SAMD12: variants seen among roughly 807,000 people sequenced by gnomAD.
SAMD12 encodes sterile alpha motif domain-containing protein 12.
SAMD12 carries 9 observed loss-of-function variants against 15.0 expected under a neutral mutation model. That is an observed-to-expected ratio of 0.60 (90% CI 0.36 to 1.05). The LOEUF (loss-of-function observed/expected upper bound fraction) is 1.05, where lower values mean the gene tolerates loss of function less well. Among genes scored for constraint, SAMD12 ranks in the 50% least tolerant of loss-of-function variants. SAMD12 has a pLI of 0.01. For synonymous variants in SAMD12, 86 were observed against 90.1 expected (o/e 0.96, Z 0.25); for missense variants, 230 against 234.2 (o/e 0.98, Z 0.12).
chr8:118,282,165 G>A, intron 4 of SAMD12: 1 of 400,842 alleles, frequency 2.5e-6, no homozygotes, highest in Admixed American at 2.9e-5. Flanking sequence ...TATGGTGTAA[G>A]TAAAAATGAT....
At chr8:118,249,311 A>G (rs891010215) in intron 4 of SAMD12, among the ~76,000 whole-genome samples, 26 of 152,186 alleles carry the variant, frequency 1.7e-4, no homozygotes, top group African/African-American at 5.8e-4. Flanking sequence ...CACATCCTCC[A>G]GTATATGCAC....
intron 2 of SAMD12, among the ~76,000 whole-genome samples, chr8:118,503,000 T>A (rs1824827943): frequency 6.6e-6 from 1 of 152,156 alleles, no homozygotes; most frequent in African/African-American, 2.4e-5. Flanking sequence ...GCACTATAAA[T>A]AACCATGCAG....
At chr8:118,469,265 T>C (rs1458861767) in intron 2 of SAMD12, among the ~76,000 whole-genome samples, 3 of 151,128 alleles carry the variant, frequency 2.0e-5, no homozygotes, top group Admixed American at 1.3e-4. Flanking sequence ...CATAGCTCTA[T>C]GCTGCAGGAT....
chr8:118,580,690 C>T (rs374246105), intron 2 of SAMD12, 25 bp downstream of exon 2: 138 of 1,580,274 alleles, frequency 8.7e-5, no homozygotes, highest in East Asian at 7.4e-4. Context: ...TTCAAATCTC[C>T]GTAATTAACT....
At chr8:118,385,794 T>C (rs1019262806) in intron 3 of SAMD12, among the ~76,000 whole-genome samples, 1 of 152,170 alleles carries the variant, frequency 6.6e-6, no homozygotes, top group African/African-American at 2.4e-5. Context: ...TTACCACAAA[T>C]TGATGCTCTC....
In SAMD12 at chr8:118,295,069, A is replaced by G. The variant is rs577072472; in HGVS notation, c.433+84491T>C. ...TTTTTTTTACGTGAAAATTGGGAAA[A>G]CAGGACATACAAGTCATCTAGATAC... On this transcript the variant is annotated intron_variant, in intron 4 of 4. Transcript: ENST00000409003. Among the ~76,000 whole-genome samples the G allele has an allele frequency of 1.0e-3, 159 of 152,278 alleles. 1 individual carries two copies. Among genetic ancestry groups the G allele is most frequent in the East Asian group, 1.5e-3 (8 of 5,188 alleles).
At chr8:118,144,005 A>G in the SAMD12 span, among the ~76,000 whole-genome samples, 1 of 152,058 alleles carries the variant, frequency 6.6e-6, no homozygotes, top group African/African-American at 2.4e-5. Flanking sequence ...GTTCCCTCCT[A>G]AAGTTCTGGG....
At chr8:118,510,558 G>A (rs1295046259) in intron 2 of SAMD12, among the ~76,000 whole-genome samples, 1 of 152,198 alleles carries the variant, frequency 6.6e-6, no homozygotes, top group African/African-American at 2.4e-5. Context: ...ATTCCAGGAG[G>A]AGCCACTCAT....
At chr8:118,357,881 C>G (rs1031249691) in intron 4 of SAMD12, among the ~76,000 whole-genome samples, 1 of 152,112 alleles carries the variant, frequency 6.6e-6, no homozygotes, top group Admixed American at 6.5e-5. Context: ...CACAGTGGCT[C>G]ACACCTGTAA....
At chr8:118,528,993 AC>A (rs1010673756) in intron 2 of SAMD12, among the ~76,000 whole-genome samples, 13 of 152,206 alleles carry the variant, frequency 8.5e-5, no homozygotes, top group Non-Finnish European at 1.8e-4. Flanking sequence ...AAGAGATTCA[AC>A]ACCCTACACT....
intron 1 of SAMD12, among the ~76,000 whole-genome samples, chr8:118,619,360 T>TC (rs779896690): frequency 2.6e-5 from 4 of 150,994 alleles, no homozygotes; most frequent in Non-Finnish European, 4.4e-5. Context: ...GTGCCTATAG[T>TC]CCCAGCTACT....
chr8:118,183,961 A>C, the SAMD12 span, among the ~76,000 whole-genome samples: 1 of 152,226 alleles, frequency 6.6e-6, no homozygotes, highest in Non-Finnish European at 1.5e-5. Flanking sequence ...CACTTAGAAT[A>C]ATGGCCTCCA....
intron 4 of SAMD12, among the ~76,000 whole-genome samples, chr8:118,323,078 C>T (rs1280508428): frequency 6.6e-6 from 1 of 152,130 alleles, no homozygotes; most frequent in Non-Finnish European, 1.5e-5. Context: ...ACGGCAAGGA[C>T]TGGAGCAATC....
the SAMD12 span, among the ~76,000 whole-genome samples, chr8:118,147,612 G>A: frequency 4.6e-5 from 7 of 151,932 alleles, no homozygotes; most frequent in South Asian, 6.2e-4. Context: ...TGCCTGCCTC[G>A]GCCTCCCAGT....
intron 4 of SAMD12, among the ~76,000 whole-genome samples, chr8:118,359,168 A>C (rs1818372829): frequency 6.6e-6 from 1 of 152,174 alleles, no homozygotes; most frequent in Non-Finnish European, 1.5e-5. Flanking sequence ...AGGGTCTTTA[A>C]AGAGGCAATT....
At chr8:118,438,873 T>C (rs979416659) in intron 3 of SAMD12, among the ~76,000 whole-genome samples, 2 of 152,164 alleles carry the variant, frequency 1.3e-5, no homozygotes, top group African/African-American at 4.8e-5. Context: ...AATGACTTCT[T>C]AACACTGTTT....
intron 2 of SAMD12, among the ~76,000 whole-genome samples, chr8:118,530,662 CTG>C: frequency 6.6e-6 from 1 of 152,310 alleles, no homozygotes; most frequent in East Asian, 1.9e-4. Context: ...TCTCTTCACT[CTG>C]TTGATTATTT....
chr8:118,586,881 C>T lies in SAMD12; in HGVS notation c.14-5988G>A, dbSNP rs192841551. The stretch of plus-strand genomic sequence containing the variant: ...TGATTGAATCCTACTCACTGCCATT[C>T]GGTACTGATGCGTAACATATATTTT... On this transcript the variant is annotated intron_variant, in intron 1 of 3. Transcript: ENST00000314727. Among the ~76,000 whole-genome samples the T allele has an allele frequency of 2.7e-3, 410 of 152,280 alleles. 5 individuals carry two copies. Among genetic ancestry groups the T allele is most frequent in the Non-Finnish European group, 4.7e-3 (317 of 68,024 alleles).
intron 1 of SAMD12, among the ~76,000 whole-genome samples, chr8:118,606,477 T>C (rs1258706566): frequency 6.6e-6 from 1 of 151,726 alleles, no homozygotes; most frequent in Non-Finnish European, 1.5e-5. Context: ...GCACAGAGTA[T>C]ACGTAAAGCC....
Sources: allele counts gnomAD v4.1 joint callset (sites outside exome capture counted in the v4.1 genomes callset), GRCh38; gene constraint gnomAD v4.1.1; transcripts MANE v1.5; gene names NCBI Gene and HGNC (gene_info 2026-07-23, HGNC 2026-07-21).